Variants in SH3TC1 observed in about 807,000 individuals in gnomAD.
SH3TC1 encodes the protein SH3 domain and tetratricopeptide repeats 1.
In SH3TC1, 135 loss-of-function variants were observed where a neutral mutation model predicts 117.3. That is an observed-to-expected ratio of 1.15 (90% CI 1.00 to 1.33). The LOEUF (loss-of-function observed/expected upper bound fraction) is 1.33. SH3TC1 is among the 40% of genes most tolerant of loss of function. The pLI is 0.00. For missense variants in SH3TC1, 2,092 were observed against 1,794.3 expected (o/e 1.17, Z -3.00); for synonymous variants, 898 against 816.9 (o/e 1.10, Z -1.69).
intron 8 of SH3TC1, among the ~76,000 whole-genome samples, chr4:8,218,672 C>G (rs1159649694): frequency 6.6e-6 from 1 of 152,248 alleles, no homozygotes; most frequent in South Asian, 2.1e-4. Context: ...ACTTCTCAGA[C>G]AGTGCAACCC....
intron 15 of SH3TC1, 97 bp from the exon 16 acceptor site, chr4:8,236,181 G>C: frequency 3.6e-6 from 5 of 1,389,386 alleles, no homozygotes; most frequent in Non-Finnish European, 4.7e-6. Context: ...GGGGTAGCTG[G>C]GGCGTGGGAA....
At chr4:8,214,272 T>C (rs1176509221) in intron 4 of SH3TC1, among the ~76,000 whole-genome samples, 1 of 152,090 alleles carries the variant, frequency 6.6e-6, no homozygotes, top group Non-Finnish European at 1.5e-5. Flanking sequence ...GGGCAGGGGC[T>C]TCTCCCCACA....
chr4:8,227,610 G>C lies in SH3TC1; in HGVS notation c.1916G>C (p.Cys639Ser). The part of the protein sequence containing the change: ...ALLLGTPDHI[C>S]STEAEGELLQ... Reference sequence around the variant, plus strand: ...CTCCTGGGGACGCCTGACCACATCTGCAGCACCGAGGCGGAGGGGGAGCTC... The same window carrying C: ...CTCCTGGGGACGCCTGACCACATCTCCAGCACCGAGGCGGAGGGGGAGCTC... Residue 639 changes from cysteine to serine, a missense_variant, in exon 12 of 18, where the codon TGC becomes TCC. Coordinates refer to ENST00000245105, the MANE Select transcript of SH3TC1 (RefSeq NM_018986.5). The C allele has an allele frequency of 6.6e-7, 1 of 1,525,214 alleles. No homozygotes were observed. The highest frequency in any genetic ancestry group is 8.8e-7 in the Non-Finnish European group (1 of 1,139,656). 94.5% of individuals were successfully genotyped at this position (1,525,214 alleles called of 1,614,324 possible).
At chr4:8,193,947 C>T (rs2152975074) in intron 1 of SH3TC1, among the ~76,000 whole-genome samples, 1 of 152,342 alleles carries the variant, frequency 6.6e-6, no homozygotes, top group South Asian at 2.1e-4. Context: ...CTGTGCCTTC[C>T]TATGACTGCA....
chr4:8,195,359 C>T (rs1481449479), upstream of SH3TC1, among the ~76,000 whole-genome samples: 1 of 152,160 alleles, frequency 6.6e-6, no homozygotes, highest in Non-Finnish European at 1.5e-5. Context: ...TCGGACAGGT[C>T]CTCTGGCAGG....
chr4:8,221,807 A>G (rs1018803487), intron 9 of SH3TC1, among the ~76,000 whole-genome samples: 6 of 152,204 alleles, frequency 3.9e-5, no homozygotes, highest in Non-Finnish European at 7.3e-5. Flanking sequence ...TTTGTAGACA[A>G]TGACAATTTC....
At chr4:8,184,014 T>C (rs545552928) in intron 1 of SH3TC1, among the ~76,000 whole-genome samples, 63 of 152,312 alleles carry the variant, frequency 4.1e-4, no homozygotes, top group African/African-American at 1.5e-3. Context: ...CCTCCCAAAG[T>C]GCTGTATTAC....
chr4:8,220,388 G>GC (rs900340273), intron 9 of SH3TC1, among the ~76,000 whole-genome samples: 3 of 109,232 alleles, frequency 2.7e-5, no homozygotes, highest in South Asian at 3.1e-4. Flanking sequence ...TGGCTCCTCT[G>GC]GGGGGGGCAC....
At chr4:8,216,368 C>T (rs1234140996) in intron 6 of SH3TC1, 111 bp downstream of exon 6, 34 of 1,459,760 alleles carry the variant, frequency 2.3e-5, no homozygotes, top group Non-Finnish European at 2.9e-5. Context: ...CTGTGGGCTG[C>T]GGAGCCTCTG....
Position 8,227,637 on chromosome 4 carries a change from T to C in SH3TC1, c.1943T>C (p.Leu648Pro), listed in dbSNP as rs1185023296. 3 of 1,526,730 alleles carry C rather than the reference T, an allele frequency of 2.0e-6. No homozygotes were observed. Among genetic ancestry groups the C allele is most frequent in the African/African-American group, 2.8e-5 (2 of 71,904 alleles). 94.6% of individuals were successfully genotyped at this position (1,526,730 alleles called of 1,614,324 possible). A position where few individuals can be genotyped will look rare whatever the true frequency, so the allele number is the denominator to read the frequency against. Residue 648 changes from leucine to proline, a missense_variant, in exon 12 of 18, where the codon CTG becomes CCG. Coordinates refer to ENST00000245105, the MANE Select transcript of SH3TC1 (RefSeq NM_018986.5). ...ICSTEAEGELLQLALRRAVGG... is the reference protein window; with the variant it reads ...ICSTEAEGELPQLALRRAVGG... ...AGCACCGAGGCGGAGGGGGAGCTCC[T>C]GCAGCTGGCGCTGCGGCGGGCGGTG...
chr4:8,205,944 C>T lies in SH3TC1; in HGVS notation c.172+578C>T. ...GGGGAGACCAAGGCCTGCACGGCCC[C>T]TCCCGGCAGGAGACAGCTGCGGTTG... On this transcript the variant is annotated intron_variant, in intron 2 of 17. Coordinates refer to ENST00000245105, the MANE Select transcript of SH3TC1 (RefSeq NM_018986.5). This position sits in a 1 kb window ranked among gnomAD's most constrained non-coding sequence, Gnocchi z 5.4. 2.1e-6 allele frequency: 1 copy of T among 466,072 alleles called. No homozygotes were observed. The highest frequency in any genetic ancestry group is 3.8e-6 in the Non-Finnish European group (1 of 260,872). The allele number at this position is 466,072 out of a possible 1,614,324, so 28.9% of individuals were successfully genotyped here.
chr4:8,236,144 C>T, intron 15 of SH3TC1, 134 bp from the exon 16 acceptor site: 1 of 1,162,702 alleles, frequency 8.6e-7, no homozygotes, highest in Non-Finnish European at 1.2e-6. Context: ...CCCTTTATCT[C>T]AGAGCACACA....
At chr4:8,235,810 C>T (rs1398181928) in intron 15 of SH3TC1, 10 of 411,006 alleles carry the variant, frequency 2.4e-5, no homozygotes, top group South Asian at 5.4e-5. Context: ...GAAGTCCTGT[C>T]CCCATCTTAC....
chr4:8,233,831 T>C (rs890734718), intron 14 of SH3TC1, among the ~76,000 whole-genome samples: 1 of 149,338 alleles, frequency 6.7e-6, no homozygotes, highest in Non-Finnish European at 1.5e-5. Flanking sequence ...CGTCCATCCA[T>C]CCATCAGGCA....
rs750786141 is a variant in SH3TC1, at chr4:8,205,569, C to A, written c.172+203C>A. On this transcript the variant is annotated intron_variant, in intron 2 of 17. Coordinates refer to ENST00000245105, the MANE Select transcript of SH3TC1 (RefSeq NM_018986.5). This position sits in a 1 kb window ranked among gnomAD's most constrained non-coding sequence, Gnocchi z 5.4. ...TGTGCCCGCTGAGTCACTTGAGAGG[C>A]CAGGGCCCAGCTCGTGTTTTTCCAG... 2.4e-6 allele frequency: 2 copies of A among 816,596 alleles called. No homozygotes were observed. The highest frequency in any genetic ancestry group is 4.8e-5 in the East Asian group (2 of 41,442). 50.6% of individuals were successfully genotyped at this position (816,596 alleles called of 1,614,324 possible).
intron 1 of SH3TC1, among the ~76,000 whole-genome samples, chr4:8,189,558 G>A (rs1327412810): frequency 1.3e-5 from 2 of 152,236 alleles, no homozygotes; most frequent in Admixed American, 1.3e-4. Context: ...GGGTGGGAGA[G>A]GGGAGAGCAG....
Position 8,212,755 on chromosome 4 carries a change from G to GCCTACAGCAGACCCT in SH3TC1, c.305_319dup (p.Leu102_Leu106dup). ...AGGAAGAGCAGACTGCGGGACCCCGGCCTACAGCAGACCCTCCGGGGCCAG... is the reference window on the plus strand; with the variant it reads ...AGGAAGAGCAGACTGCGGGACCCCGGCCTACAGCAGACCCTCCTACAGCAGACCCTCCGGGGCCAG... On this transcript the variant is annotated inframe_insertion, in exon 4 of 18. Transcript: ENST00000245105. 1 of 1,612,698 alleles carries GCCTACAGCAGACCCT rather than the reference G, an allele frequency of 6.2e-7. No individual in the cohort carries two copies. Among genetic ancestry groups the GCCTACAGCAGACCCT allele is most frequent in the Non-Finnish European group, 8.5e-7 (1 of 1,179,868 alleles).
intron 17 of SH3TC1, 106 bp from the exon 18 acceptor site, chr4:8,240,592 T>G (rs1578765612): frequency 6.5e-7 from 1 of 1,543,310 alleles, no homozygotes. Context: ...GCTCATGGGG[T>G]GAGCCAGCAT....
At position 8,235,720 on chromosome 4, in the gene SH3TC1, C is replaced by A. The variant is rs971387282; in HGVS notation, c.3405+165C>A. ...CGGGAATGATATTGACTGTGCCCCC[C>A]GCCCGGGACAAACACTTGGGGCCTG... On this transcript the variant is annotated intron_variant, in intron 15 of 17. Transcript: ENST00000245105. 2.0e-5 allele frequency: 20 copies of A among 982,188 alleles called. No individual in the cohort carries two copies. In the African/African-American group the frequency reaches 2.6e-4, roughly 13 times the overall value. 60.8% of individuals were successfully genotyped at this position (982,188 alleles called of 1,614,324 possible). A position where few individuals can be genotyped will look rare whatever the true frequency, so the allele number is the denominator to read the frequency against.
Sources: gnomAD v4.1 joint callset for allele counts (sites outside exome capture counted in the v4.1 genomes callset) on GRCh38, gnomAD v4.1.1 for gene constraint, Gnocchi (gnomAD v3.1) non-coding constraint, MANE v1.5 for transcripts, NCBI Gene and HGNC (gene_info 2026-07-23, HGNC 2026-07-21) for gene names.